The following GLYATL2 variants were observed in gnomAD, a reference collection of about 807,000 sequenced individuals.
GLYATL2 encodes glycine N-acyltransferase-like protein 2.
A neutral mutation model predicts 21.4 loss-of-function variants in GLYATL2; 25 were observed. The ratio of observed to expected loss-of-function variants is 1.17; its 90% CI spans 0.85 to 1.63. The LOEUF (loss-of-function observed/expected upper bound fraction) is 1.63, where lower values mean the gene tolerates loss of function less well. Among genes scored for constraint, GLYATL2 ranks in the 40% most tolerant of loss-of-function variants. GLYATL2 has a pLI of 0.00. For synonymous variants in GLYATL2, 114 were observed against 118.2 expected (o/e 0.96, Z 0.23); for missense variants, 361 against 343.3 (o/e 1.05, Z -0.41).
chr11:58,869,214 C>T lies in GLYATL2; in HGVS notation n.61-30846G>A, dbSNP rs181957998. ...TGTTCGCATGTGTCTGATATAGTCA[C>T]GGGAAATTAGAATTTGATAAACCGA... On this transcript the variant is annotated intron_variant and non_coding_transcript_variant, in intron 1 of 4. Transcript: ENST00000533636. Among the ~76,000 whole-genome samples the T allele has an allele frequency of 1.1e-3, 173 of 152,244 alleles. 2 individuals are homozygous for T. Among genetic ancestry groups the T allele is most frequent in the Admixed American group, 9.1e-3 (139 of 15,292 alleles).
intron 1 of GLYATL2, among the ~76,000 whole-genome samples, chr11:58,900,231 C>G (rs1416722084): frequency 1.3e-5 from 2 of 152,166 alleles, no homozygotes; most frequent in African/African-American, 4.8e-5. Context: ...GCAGGACATG[C>G]ATGCATTGAA....
chr11:58,878,496 A>G (rs1283157880), intron 1 of GLYATL2: 1 of 199,546 alleles, frequency 5.0e-6, no homozygotes, highest in Non-Finnish European at 9.9e-6. Context: ...AAAATGGACT[A>G]GGTCTAGGAA....
intron 1 of GLYATL2, among the ~76,000 whole-genome samples, chr11:58,902,189 A>G (rs1446409338): frequency 1.3e-5 from 2 of 152,148 alleles, no homozygotes; most frequent in Non-Finnish European, 2.9e-5. Flanking sequence ...AGCAGGAGTG[A>G]GTGAGGTGAG....
chr11:58,863,868 T>C (rs1853976640), intron 1 of GLYATL2, among the ~76,000 whole-genome samples: 1 of 152,200 alleles, frequency 6.6e-6, no homozygotes, highest in African/African-American at 2.4e-5. Context: ...TCAACTGTGA[T>C]GAGCCTGAAC....
At chr11:58,873,252 C>G (rs1326317282) in intron 1 of GLYATL2, among the ~76,000 whole-genome samples, 3 of 151,572 alleles carry the variant, frequency 2.0e-5, no homozygotes, top group Non-Finnish European at 2.9e-5. Flanking sequence ...TTGACTTCCT[C>G]TTTTCCTAAT....
intron 1 of GLYATL2, among the ~76,000 whole-genome samples, chr11:58,863,852 C>T (rs1232813660): frequency 6.6e-6 from 1 of 152,194 alleles, no homozygotes; most frequent in Non-Finnish European, 1.5e-5. Context: ...TAGCCCAATA[C>T]TGGAGTCAAC....
upstream of GLYATL2, chr11:58,908,557 C>A: frequency 5.0e-6 from 1 of 201,766 alleles, no homozygotes. Context: ...GGCATATCTA[C>A]TTTTTTACAA....
chr11:58,847,141 C>T (rs1276606320), upstream of GLYATL2, among the ~76,000 whole-genome samples: 1 of 152,062 alleles, frequency 6.6e-6, no homozygotes, highest in Non-Finnish European at 1.5e-5. Context: ...TCACAGCATT[C>T]ATCACCTGGT....
At position 58,858,472 on chromosome 11, in the gene GLYATL2, A is replaced by ATT. The variant is rs1403291391; in HGVS notation, n.61-20105_61-20104insAA. On this transcript the variant is annotated intron_variant and non_coding_transcript_variant, in intron 1 of 4. Transcript: ENST00000533636. Reference sequence around the variant, plus strand: ...AGATGAAGAATTGGGCTTTTTTAAAAAAAAAAAAAATTGGATCAAATAAGC... The same window carrying ATT: ...AGATGAAGAATTGGGCTTTTTTAAAATTAAAAAAAAAATTGGATCAAATAAGC... 7.8e-4 allele frequency among the ~76,000 whole-genome samples: 111 copies of ATT among 141,748 alleles called. 1 individual carries two copies. The highest frequency in any genetic ancestry group is 3.1e-3 in the East Asian group (15 of 4,874). The allele number at this position is 141,748 out of a possible 152,430, so 93.0% of individuals were successfully genotyped here. A position where few individuals can be genotyped will look rare whatever the true frequency, so the allele number is the denominator to read the frequency against.
At chr11:58,866,260 T>C (rs1197486029) in intron 1 of GLYATL2, among the ~76,000 whole-genome samples, 1 of 149,120 alleles carries the variant, frequency 6.7e-6, no homozygotes, top group African/African-American at 2.4e-5. Flanking sequence ...GAAACTCTCA[T>C]TCTTTTCTGG....
intron 1 of GLYATL2, among the ~76,000 whole-genome samples, chr11:58,869,153 A>G (rs1854071839): frequency 6.6e-6 from 1 of 152,216 alleles, no homozygotes; most frequent in Non-Finnish European, 1.5e-5. Context: ...TTGGGGCTTG[A>G]CTGATGCTGC....
chr11:58,893,262 A>C (rs545934388), intron 1 of GLYATL2: 3 of 259,350 alleles, frequency 1.2e-5, no homozygotes, highest in African/African-American at 6.8e-5. Flanking sequence ...GCATGAAAAA[A>C]TACCGAAGGA....
intron 1 of GLYATL2, among the ~76,000 whole-genome samples, chr11:58,859,279 G>A (rs144887331): frequency 1.3e-5 from 2 of 152,014 alleles, no homozygotes; most frequent in Non-Finnish European, 2.9e-5. Flanking sequence ...CACTACCCTA[G>A]GGAATACCTG....
At chr11:58,878,308 G>A (rs945300562) in intron 1 of GLYATL2, 5 of 520,022 alleles carry the variant, frequency 9.6e-6, no homozygotes, top group East Asian at 5.1e-5. Flanking sequence ...CCCCAGGAGC[G>A]CTAAGTGAAC....
At chr11:58,887,158 C>T (rs1854456566) in intron 1 of GLYATL2, among the ~76,000 whole-genome samples, 1 of 152,180 alleles carries the variant, frequency 6.6e-6, no homozygotes, top group South Asian at 2.1e-4. Flanking sequence ...CATAACTTCA[C>T]ATATGCATTG....
chr11:58,853,024 G>C (rs1270257413), intron 1 of GLYATL2, among the ~76,000 whole-genome samples: 1 of 152,062 alleles, frequency 6.6e-6, no homozygotes, highest in Non-Finnish European at 1.5e-5. Context: ...GTGTTTCTTT[G>C]ATTTGCACGT....
intron 5 of GLYATL2, among the ~76,000 whole-genome samples, chr11:58,835,631 A>G (rs905631668): frequency 6.6e-5 from 10 of 152,134 alleles, no homozygotes; most frequent in African/African-American, 2.4e-4. Context: ...TGGGTGGGTA[A>G]CAGAACGCTA....
intron 1 of GLYATL2, among the ~76,000 whole-genome samples, chr11:58,901,686 C>G (rs1029245981): frequency 2.0e-5 from 3 of 152,078 alleles, no homozygotes; most frequent in African/African-American, 4.8e-5. Flanking sequence ...TTTCCCTCCC[C>G]CAACTAGTCC....
chr11:58,906,093 G>A (rs969823001), upstream of GLYATL2, among the ~76,000 whole-genome samples: 4 of 152,186 alleles, frequency 2.6e-5, no homozygotes, highest in Non-Finnish European at 2.9e-5. Flanking sequence ...GCACTGTCTG[G>A]TCAGGCTCGC....
Sources: allele counts gnomAD v4.1 joint callset (sites outside exome capture counted in the v4.1 genomes callset), GRCh38; gene constraint gnomAD v4.1.1; transcripts MANE v1.5; gene names NCBI Gene and HGNC (gene_info 2026-07-23, HGNC 2026-07-21).